The following SYNE1 variants were observed in gnomAD, a reference collection of about 807,000 sequenced individuals.
SYNE1 encodes the protein nesprin-1.
In SYNE1, 616 loss-of-function variants were observed where a neutral mutation model predicts 1,111.0. That is an observed-to-expected ratio of 0.55 (90% CI 0.52 to 0.59). The LOEUF is 0.59. SYNE1 is among the 20% of genes least tolerant of loss of function. The pLI is 0.00. For missense variants in SYNE1, 10,006 were observed against 10,417.0 expected (o/e 0.96, Z 1.72); for synonymous variants, 3,855 against 3,825.8 (o/e 1.01, Z -0.28).
At chr6:152,242,194 GC>G in intron 107 of SYNE1, 45 bp downstream of exon 107, 1 of 1,502,592 alleles carries the variant, frequency 6.7e-7, no homozygotes, top group Admixed American at 1.7e-5. Context: ...TTGAGAGCAT[GC>G]TTTCCAATTA....
chr6:152,526,212 T>A lies in SYNE1; in HGVS notation c.130-37A>T, dbSNP rs377063085. On this transcript the variant is annotated intron_variant, in intron 4 of 145. Transcript: ENST00000367255. ...AAGAGGAATAAGTGCAGAAAATATC[T>A]CTTCCCTCTCTGTTTCTCTCTTTCT... The A allele has an allele frequency of 4.6e-5, 73 of 1,582,488 alleles. No individual in the cohort carries two copies. In the African/African-American group the frequency reaches 9.6e-4, roughly 21 times the overall value.
At chr6:152,460,819 T>C (rs1043022109) in intron 21 of SYNE1, among the ~76,000 whole-genome samples, 12 of 142,026 alleles carry the variant, frequency 8.4e-5, no homozygotes, top group Non-Finnish European at 1.7e-4. Flanking sequence ...TTTTTTTTTT[T>C]TTTTTTTTTG....
intron 133 of SYNE1, among the ~76,000 whole-genome samples, chr6:152,152,519 G>A (rs1202208408): frequency 1.3e-5 from 2 of 152,190 alleles, no homozygotes; most frequent in Non-Finnish European, 2.9e-5. Context: ...ACACGTGTGT[G>A]TGGAAATGTG....
intron 3 of SYNE1, among the ~76,000 whole-genome samples, chr6:152,561,000 G>A (rs896195262): frequency 1.4e-4 from 21 of 152,106 alleles, no homozygotes; most frequent in African/African-American, 5.1e-4. Flanking sequence ...TCCAAGATCA[G>A]TGAAAAGACA....
At chr6:152,345,676 T>C (rs139218091) in intron 73 of SYNE1, among the ~76,000 whole-genome samples, 242 of 152,274 alleles carry the variant, frequency 1.6e-3, no homozygotes, top group African/African-American at 5.5e-3. Flanking sequence ...TGGTATATCA[T>C]CAGTTCTTAC....
In SYNE1 at chr6:152,174,704, C is replaced by G. The variant is rs374372854; in HGVS notation, c.23627+1690G>C. Among the ~76,000 whole-genome samples, 7 of 152,320 alleles carry G rather than the reference C, an allele frequency of 4.6e-5. No individual in the cohort carries two copies. In the East Asian group the frequency reaches 1.2e-3, roughly 25 times the overall value. ...CTTTGGAGTCTGAGCACAGGCTGTG[C>G]CACACAATGTGTGCGTGATGATGGA... On this transcript the variant is annotated intron_variant, in intron 130 of 145. Coordinates refer to ENST00000367255, the MANE Select transcript of SYNE1 (RefSeq NM_182961.4).
chr6:152,249,516 C>T (rs2088460127), intron 104 of SYNE1, among the ~76,000 whole-genome samples: 1 of 152,202 alleles, frequency 6.6e-6, no homozygotes, highest in Non-Finnish European at 1.5e-5. Flanking sequence ...ATGTAAAAAG[C>T]AACGCTTGTC....
At chr6:152,378,196 T>C (rs1318304126) in intron 56 of SYNE1, among the ~76,000 whole-genome samples, 1 of 152,144 alleles carries the variant, frequency 6.6e-6, no homozygotes, top group Non-Finnish European at 1.5e-5. Flanking sequence ...TGGATAACAG[T>C]AGCACTGAAG....
In SYNE1 at chr6:152,519,360, A is replaced by C. The variant is rs571501779; in HGVS notation, c.309+1099T>G. Reference sequence around the variant, plus strand: ...TTTAAGAAAAACCTGGAATATCTGTAGTTCTAGCAAATAAAAATCTGCTTG... The same window carrying C: ...TTTAAGAAAAACCTGGAATATCTGTCGTTCTAGCAAATAAAAATCTGCTTG... On this transcript the variant is annotated intron_variant, in intron 6 of 145. Coordinates refer to ENST00000367255, the MANE Select transcript of SYNE1 (RefSeq NM_182961.4). Among the ~76,000 whole-genome samples, 30 of 152,280 alleles carry C rather than the reference A, an allele frequency of 2.0e-4. No homozygotes were observed. The South Asian group carries it at 6.2e-3, about 32-fold the overall frequency.
At chr6:152,202,107 G>A (rs1332002886) in intron 126 of SYNE1, among the ~76,000 whole-genome samples, 158 bp from the exon 127 acceptor site, 1 of 152,088 alleles carries the variant, frequency 6.6e-6, no homozygotes, top group Non-Finnish European at 1.5e-5. Flanking sequence ...AGCACTTTGG[G>A]AGGCCGAGGC....
At chr6:152,578,237 T>C (rs1015924582) in intron 3 of SYNE1, among the ~76,000 whole-genome samples, 4 of 152,204 alleles carry the variant, frequency 2.6e-5, no homozygotes, top group African/African-American at 9.6e-5. Context: ...GAAGATCCCA[T>C]GTACACCTTC....
Position 152,180,121 on chromosome 6 carries a change from C to T in SYNE1, c.23460+15G>A. The T allele has an allele frequency of 5.6e-6, 9 of 1,613,806 alleles. No homozygotes were observed. Among genetic ancestry groups the T allele is most frequent in the Non-Finnish European group, 6.8e-6 (8 of 1,179,808 alleles). ...TTATGAAGAATGAAAACCTAAGTAG[C>T]CATGCATTCCATACCTTCTTGAGCT... On this transcript the variant is annotated intron_variant, in intron 129 of 145. Transcript: ENST00000367255.
chr6:152,176,344 G>C (rs2066452111), intron 130 of SYNE1, 50 bp downstream of exon 130: 1 of 1,610,602 alleles, frequency 6.2e-7, no homozygotes, highest in African/African-American at 1.3e-5. Flanking sequence ...CAGACTGAAA[G>C]GCTTTAAAAT....
At chr6:152,441,076 GTTTGTTTTGC>G (rs2098525638) in intron 32 of SYNE1, 44 bp downstream of exon 32, 1 of 1,600,278 alleles carries the variant, frequency 6.2e-7, no homozygotes, top group African/African-American at 1.3e-5. Context: ...AAATCATTTT[GTTTGTTTTGC>G]TTTGTTTTTT....
At position 152,284,080 on chromosome 6, in the gene SYNE1, G is replaced by T. The variant is rs538293972; in HGVS notation, c.18105C>A (p.Ala6035=). 6.2e-7 allele frequency: 1 copy of T among 1,614,120 alleles called. No individual in the cohort carries two copies. The highest frequency in any genetic ancestry group is 8.5e-7 in the Non-Finnish European group (1 of 1,180,012). ...GCAAGGCCAGCTGCTCCGCAGGGTC[G>T]GCCTCACAAGACTCGGATACCAGCT... ...AEELVSESCE[A]DPAEQLALQS... Residue 6035 remains alanine, a synonymous_variant, in exon 96 of 146, where the codon GCC becomes GCA. Coordinates refer to ENST00000367255, the MANE Select transcript of SYNE1 (RefSeq NM_182961.4).
At chr6:152,287,804 C>G (rs1192803162) in intron 95 of SYNE1, among the ~76,000 whole-genome samples, 2 of 152,206 alleles carry the variant, frequency 1.3e-5, no homozygotes, top group African/African-American at 4.8e-5. Flanking sequence ...GCTTCAGCCT[C>G]CCAAAGTGCT....
chr6:152,122,676 C>T lies in SYNE1; in HGVS notation c.26154G>A (p.Arg8718=), dbSNP rs1226539151. Residue 8718 remains arginine (R), a splice_region_variant and synonymous_variant, in exon 146 of 146, where the codon AGG becomes AGA. Transcript: ENST00000367255. The part of the protein sequence containing the change: ...PGPSVSSPHS[R]STKGGSDSSL... Reference sequence around the variant, plus strand: ...AGGAATCGGAGCCACCTTTTGTGGACCTGAGAGAAGAATGGACATAAATTA... The same window carrying T: ...AGGAATCGGAGCCACCTTTTGTGGATCTGAGAGAAGAATGGACATAAATTA... The T allele has an allele frequency of 1.2e-6, 2 of 1,613,692 alleles. No individual in the cohort carries two copies. Among genetic ancestry groups the T allele is most frequent in the African/African-American group, 2.7e-5 (2 of 74,892 alleles).
At chr6:152,354,372 T>A (rs1351394288) in intron 67 of SYNE1, among the ~76,000 whole-genome samples, 1 of 152,198 alleles carries the variant, frequency 6.6e-6, no homozygotes, top group East Asian at 1.9e-4. Flanking sequence ...AACCATAAAC[T>A]TAAATTATTG....
intron 126 of SYNE1, among the ~76,000 whole-genome samples, chr6:152,202,337 ACT>A (rs1391975153): frequency 3.4e-5 from 4 of 116,346 alleles, no homozygotes; most frequent in African/African-American, 1.0e-4. Context: ...AAAGAGCGAG[ACT>A]CTGTCTCAAA....
Sources: allele counts gnomAD v4.1 joint callset (sites outside exome capture counted in the v4.1 genomes callset), GRCh38; gene constraint gnomAD v4.1.1; transcripts MANE v1.5; gene names NCBI Gene and HGNC (gene_info 2026-07-23, HGNC 2026-07-21).